UNC45A: variants seen among roughly 807,000 people sequenced by gnomAD.
UNC45A encodes the protein unc-45 myosin chaperone A.
UNC45A carries 78 observed loss-of-function variants against 103.2 expected under a neutral mutation model. The observed-to-expected ratio is 0.76, with a 90% CI of 0.63 to 0.91. UNC45A has a LOEUF of 0.91. Among genes scored for constraint, UNC45A ranks in the 40% least tolerant of loss-of-function variants. The pLI, the probability that UNC45A is intolerant of heterozygous loss-of-function variation, is 0.00. For synonymous variants in UNC45A, 495 were observed against 504.6 expected, an observed-to-expected ratio of 0.98 and a Z score of 0.25; for missense variants, 1,193 against 1,224.8, an observed-to-expected ratio of 0.97 and a Z score of 0.39.
intron 15 of UNC45A, 32 bp downstream of exon 15, chr15:90,949,752 C>G: frequency 6.2e-7 from 1 of 1,610,036 alleles, no homozygotes; most frequent in Non-Finnish European, 8.5e-7. Flanking sequence ...TTCCTGATGG[C>G]TGAGCCATCA....
intron 4 of UNC45A, among the ~76,000 whole-genome samples, chr15:90,937,940 C>T (rs908119092): frequency 1.3e-5 from 2 of 152,012 alleles, no homozygotes; most frequent in African/African-American, 4.8e-5. Flanking sequence ...GGGACAAATG[C>T]ATGTCACCAC....
At chr15:90,940,581 C>G (rs962927551) in intron 6 of UNC45A, 108 bp downstream of exon 6, 1 of 1,409,248 alleles carries the variant, frequency 7.1e-7, no homozygotes, top group African/African-American at 1.4e-5. Context: ...GTCCATCCAT[C>G]CATCCACTCT....
chr15:90,952,378 C>T (rs1414724574), intron 17 of UNC45A: 1 of 153,588 alleles, frequency 6.5e-6, no homozygotes, highest in African/African-American at 2.4e-5. Flanking sequence ...AGGCACATCA[C>T]ATGGTGAAAG....
At chr15:90,939,705 G>C (rs12440774) in intron 4 of UNC45A, 26 bp from the exon 5 acceptor site, 766,553 of 1,612,554 alleles carry the variant, frequency 0.48, 203,538 homozygotes, top group East Asian at 1. Flanking sequence ...GCCGTGATTT[G>C]TTCCATGCTT....
rs111821670 is a variant in UNC45A, at chr15:90,936,854, G to A, written c.426+394G>A. Among the ~76,000 whole-genome samples, 616 of 152,246 alleles carry A rather than the reference G, an allele frequency of 4.0e-3. 5 individuals carry two copies. The highest frequency in any genetic ancestry group is 0.014 in the African/African-American group (582 of 41,528). On this transcript the variant is annotated intron_variant, in intron 4 of 19. Coordinates refer to ENST00000418476, the MANE Select transcript of UNC45A (RefSeq NM_018671.5). ...TTTCTCTCAGAGAAACCTTGTCCAC[G>A]TGCACAAGTAGACATGTGTATGTTT...
At chr15:90,943,782 G>A (rs1035547012) in intron 8 of UNC45A, among the ~76,000 whole-genome samples, 7 of 151,550 alleles carry the variant, frequency 4.6e-5, no homozygotes, top group Admixed American at 1.3e-4. Context: ...TCCGTTTCCC[G>A]GGTTCAAGCA....
chr15:90,933,412 G>A (rs1382694128), upstream of UNC45A: 1 of 152,386 alleles, frequency 6.6e-6, no homozygotes. Flanking sequence ...GGCAGCTGAG[G>A]GGTAAGAGAG....
rs374796731 is a variant in UNC45A at position 90,937,465 on chromosome 15, T to C, written c.426+1005T>C. Among the ~76,000 whole-genome samples the C allele has an allele frequency of 9.9e-5, 15 of 152,136 alleles. No individual in the cohort carries two copies. The East Asian group carries it at 2.1e-3, about 21-fold the overall frequency. On this transcript the variant is annotated intron_variant, in intron 4 of 19. Transcript: ENST00000418476. ...TATTTTTTCTGTGGGTACACTTGGGTATGTAAATACAAAGGAAAATAATTG... is the reference window on the plus strand; with the variant it reads ...TATTTTTTCTGTGGGTACACTTGGGCATGTAAATACAAAGGAAAATAATTG...
At chr15:90,931,211 C>G (rs556806824), upstream of UNC45A, 4 of 1,520,888 alleles carry the variant, frequency 2.6e-6, no homozygotes, top group East Asian at 7.4e-5. Context: ...GAAAAGATGG[C>G]GTATGAATCC....
At chr15:90,936,854 G>C (rs111821670) in intron 4 of UNC45A, among the ~76,000 whole-genome samples, 1 of 152,130 alleles carries the variant, frequency 6.6e-6, no homozygotes, top group Admixed American at 6.6e-5. Flanking sequence ...CCTTGTCCAC[G>C]TGCACAAGTA....
At chr15:90,947,084 G>A in intron 10 of UNC45A, 170 bp downstream of exon 10, 2 of 734,980 alleles carry the variant, frequency 2.7e-6, no homozygotes, top group Non-Finnish European at 4.3e-6. Context: ...AGCTACTTGG[G>A]AGGCTGAGGC....
intron 17 of UNC45A, among the ~76,000 whole-genome samples, chr15:90,951,718 A>G (rs2036923764): frequency 6.6e-6 from 1 of 152,230 alleles, no homozygotes; most frequent in Non-Finnish European, 1.5e-5. Flanking sequence ...CTGTGTAACA[A>G]ACCTGCACGT....
upstream of UNC45A, chr15:90,933,773 C>T: frequency 5.8e-6 from 2 of 345,070 alleles, no homozygotes; most frequent in Non-Finnish European, 1.0e-5. Flanking sequence ...CAGCTGCTCT[C>T]TCATCCCTCA....
intron 8 of UNC45A, among the ~76,000 whole-genome samples, chr15:90,943,941 G>C (rs1359231998): frequency 6.8e-6 from 1 of 147,144 alleles, no homozygotes; most frequent in African/African-American, 2.5e-5. Flanking sequence ...CACCCACCTT[G>C]GTCTCCCAAA....
upstream of UNC45A, chr15:90,932,527 G>C: frequency 7.9e-7 from 1 of 1,270,216 alleles, no homozygotes; most frequent in African/African-American, 1.5e-5. Flanking sequence ...CAGCTGCGCC[G>C]CCTCAGAGCC....
At chr15:90,952,703 G>A (rs1236098714) in intron 17 of UNC45A, 22 of 534,614 alleles carry the variant, frequency 4.1e-5, no homozygotes, top group Non-Finnish European at 3.4e-6. Flanking sequence ...GGGATTACAG[G>A]CGTGAGCCTC....
At chr15:90,948,594 A>G in intron 12 of UNC45A, 60 bp from the exon 13 acceptor site, 1 of 1,589,394 alleles carries the variant, frequency 6.3e-7, no homozygotes, top group Non-Finnish European at 8.6e-7. Context: ...CCTGGGCAGC[A>G]TTTATCTGAG....
intron 6 of UNC45A, 84 bp downstream of exon 6, chr15:90,940,557 C>T: frequency 6.6e-7 from 1 of 1,503,946 alleles, no homozygotes. Flanking sequence ...ATCTGTCCAT[C>T]CGCCCATCTG....
upstream of UNC45A, chr15:90,934,333 C>T (rs1596204547): frequency 2.5e-6 from 1 of 399,270 alleles, no homozygotes; most frequent in Non-Finnish European, 4.4e-6. Flanking sequence ...CCACCTCTCT[C>T]TTCAGCTCTG....
Sources: gnomAD v4.1 joint callset for allele counts (sites outside exome capture counted in the v4.1 genomes callset) on GRCh38, gnomAD v4.1.1 for gene constraint, MANE v1.5 for transcripts, NCBI Gene and HGNC (gene_info 2026-07-23, HGNC 2026-07-21) for gene names.